Variants in YTHDF3 observed in about 807,000 individuals in gnomAD.
YTHDF3 encodes the protein YTH N6-methyladenosine RNA binding protein F3.
YTHDF3 carries 9 observed loss-of-function variants against 52.5 expected under a neutral mutation model. That is an observed-to-expected ratio of 0.17 (90% CI 0.10 to 0.30). The LOEUF (loss-of-function observed/expected upper bound fraction) is 0.30, where lower values mean the gene tolerates loss of function less well. Ranked by LOEUF, YTHDF3 falls within the 10% of genes least tolerant of loss-of-function variation. YTHDF3 has a pLI of 1.00. For missense variants in YTHDF3, 534 were observed against 715.0 expected (o/e 0.75, Z 2.89); for synonymous variants, 274 against 243.3 (o/e 1.13, Z -1.18).
intron 2 of YTHDF3, among the ~76,000 whole-genome samples, chr8:63,174,125 G>A (rs994398788): frequency 6.6e-5 from 10 of 152,136 alleles, no homozygotes; most frequent in East Asian, 1.9e-4. Context: ...AGAGGAATAC[G>A]CAATTTAAAC....
intron 2 of YTHDF3, among the ~76,000 whole-genome samples, chr8:63,174,730 A>G (rs1295442832): frequency 6.6e-6 from 1 of 152,216 alleles, no homozygotes; most frequent in Non-Finnish European, 1.5e-5. Context: ...GAAAGTCTTC[A>G]TTCTGGGGGG....
At chr8:63,173,854 A>T (rs1377354612) in intron 2 of YTHDF3, among the ~76,000 whole-genome samples, 1 of 152,180 alleles carries the variant, frequency 6.6e-6, no homozygotes, top group Non-Finnish European at 1.5e-5. Context: ...ACATAGTTAA[A>T]TTATGTTAGT....
At chr8:63,205,236 T>C (rs914784589) in intron 4 of YTHDF3, among the ~76,000 whole-genome samples, 3 of 152,184 alleles carry the variant, frequency 2.0e-5, no homozygotes, top group African/African-American at 7.2e-5. Context: ...TTCTAAACTA[T>C]AACTAGGGAC....
intron 1 of YTHDF3, 96 bp downstream of exon 1, chr8:63,168,997 G>A (rs1323979805): frequency 1.3e-6 from 2 of 1,507,792 alleles, no homozygotes; most frequent in Non-Finnish European, 1.8e-6. Context: ...CGCCGCTGCC[G>A]GCCCCATAAC....
At chr8:63,205,427 T>C (rs2150400838) in intron 4 of YTHDF3, among the ~76,000 whole-genome samples, 1 of 151,912 alleles carries the variant, frequency 6.6e-6, no homozygotes, top group East Asian at 1.9e-4. Context: ...CATTTCTTTC[T>C]TTTTCTTTCT....
intron 4 of YTHDF3, among the ~76,000 whole-genome samples, chr8:63,192,240 TG>T (rs1808959743): frequency 6.6e-6 from 1 of 152,214 alleles, no homozygotes; most frequent in Non-Finnish European, 1.5e-5. Flanking sequence ...GGACTGTCTT[TG>T]GGCTTTTTGT....
chr8:63,207,510 T>C (rs1252051521), intron 4 of YTHDF3, among the ~76,000 whole-genome samples: 1 of 152,172 alleles, frequency 6.6e-6, no homozygotes, highest in Non-Finnish European at 1.5e-5. Flanking sequence ...TTTTCTGTCC[T>C]TTTGGGGTAT....
intron 4 of YTHDF3, among the ~76,000 whole-genome samples, chr8:63,194,433 C>T (rs745918412): frequency 6.6e-6 from 1 of 151,972 alleles, no homozygotes; most frequent in Non-Finnish European, 1.5e-5. Flanking sequence ...TGCAGTGAGG[C>T]GAGTTCGTGC....
In YTHDF3 at chr8:63,168,774, G is replaced by A. The variant is rs1391192647; in HGVS notation, c.-104G>A. 1.3e-6 allele frequency: 2 copies of A among 1,546,826 alleles called. No homozygotes were observed. Among genetic ancestry groups the A allele is most frequent in the Admixed American group, 2.0e-5 (1 of 50,832 alleles). ...CTCAGCGAACGGCGGCAGCGGCGGC[G>A]GCTGGAACAATCACTCGGCCAAGGG... On this transcript the variant is annotated 5_prime_UTR_variant, in exon 1 of 5. Coordinates refer to ENST00000539294, the MANE Select transcript of YTHDF3 (RefSeq NM_152758.6).
rs756687877 is a variant in YTHDF3 at position 63,168,862 on chromosome 8, C to T, written c.-16C>T. On this transcript the variant is annotated 5_prime_UTR_variant, in exon 1 of 5. Transcript: ENST00000539294. ...AGGCAGCGGCGGCGGCGGCGGCTCTCGGGTTGCGGTGAAGAATGTCAGCCA... is the reference window on the plus strand; with the variant it reads ...AGGCAGCGGCGGCGGCGGCGGCTCTTGGGTTGCGGTGAAGAATGTCAGCCA... 1.9e-6 allele frequency: 3 copies of T among 1,554,386 alleles called. No homozygotes were observed. The highest frequency in any genetic ancestry group is 1.4e-5 in the African/African-American group (1 of 73,246).
intron 4 of YTHDF3, among the ~76,000 whole-genome samples, chr8:63,192,154 C>T (rs890249844): frequency 6.6e-6 from 1 of 152,110 alleles, no homozygotes; most frequent in Non-Finnish European, 1.5e-5. Context: ...TCCATGCTTC[C>T]CCCATGCCTA....
chr8:63,183,918 A>C (rs888866856), intron 3 of YTHDF3, among the ~76,000 whole-genome samples: 1 of 152,194 alleles, frequency 6.6e-6, no homozygotes, highest in Non-Finnish European at 1.5e-5. Context: ...AGTTAGTTGT[A>C]TGTAACCTAT....
chr8:63,172,539 C>T (rs1807398090), intron 2 of YTHDF3: 3 of 386,754 alleles, frequency 7.8e-6, no homozygotes, highest in East Asian at 7.4e-5. Context: ...CTCGTCCTCC[C>T]GAGAAATGAT....
At chr8:63,171,053 G>A (rs1807291703) in intron 2 of YTHDF3, among the ~76,000 whole-genome samples, 1 of 152,152 alleles carries the variant, frequency 6.6e-6, no homozygotes. Flanking sequence ...GCTTCTGTTA[G>A]TTGTATTCAG....
At position 63,187,116 on chromosome 8, in the gene YTHDF3, G is replaced by A. The variant is rs1808569229; in HGVS notation, c.1105G>A (p.Gly369Arg). 25 of 1,613,892 alleles carry A rather than the reference G, an allele frequency of 1.5e-5. No individual in the cohort carries two copies. Among genetic ancestry groups the A allele is most frequent in the Non-Finnish European group, 2.1e-5 (25 of 1,179,840 alleles). ...NRGAGFNQNN[G>R]AGSENFGLGV... is the part of the protein sequence containing the mutation. ...GGGAGCAGGCTTCAACCAGAACAATGGAGCGGGCAGTGAAAACTTTGGTTT... is the reference window on the plus strand; with the variant it reads ...GGGAGCAGGCTTCAACCAGAACAATAGAGCGGGCAGTGAAAACTTTGGTTT... The change falls in exon 4 of 5, where the codon GGA (glycine) becomes AGA (arginine). Residue 369 changes from glycine (G) to arginine (R), a missense_variant. Coordinates refer to ENST00000539294, the MANE Select transcript of YTHDF3 (RefSeq NM_152758.6).
intron 4 of YTHDF3, among the ~76,000 whole-genome samples, chr8:63,201,492 A>G (rs1344656794): frequency 1.3e-5 from 2 of 152,238 alleles, no homozygotes; most frequent in East Asian, 3.8e-4. Flanking sequence ...ATAAAATTGT[A>G]CTTACTGTTG....
At chr8:63,199,406 T>A (rs375955236) in intron 4 of YTHDF3, among the ~76,000 whole-genome samples, 22 of 152,332 alleles carry the variant, frequency 1.4e-4, no homozygotes, top group Middle Eastern at 3.4e-3. Flanking sequence ...TGCATTTTTT[T>A]ATCTCTTTCG....
intron 2 of YTHDF3, among the ~76,000 whole-genome samples, chr8:63,174,598 A>G (rs1807564177): frequency 6.6e-6 from 1 of 152,208 alleles, no homozygotes; most frequent in Non-Finnish European, 1.5e-5. Context: ...CCAGAGAATA[A>G]CAACTTTAGA....
chr8:63,197,505 A>G (rs1016210069), intron 4 of YTHDF3, among the ~76,000 whole-genome samples: 2 of 152,216 alleles, frequency 1.3e-5, no homozygotes, highest in East Asian at 3.8e-4. Context: ...TTTGACAGTA[A>G]CATAATTGTT....
Sources: allele counts gnomAD v4.1 joint callset (sites outside exome capture counted in the v4.1 genomes callset), GRCh38; gene constraint gnomAD v4.1.1; transcripts MANE v1.5; gene names NCBI Gene and HGNC (gene_info 2026-07-23, HGNC 2026-07-21).